The following CPEB2 variants were observed in gnomAD, a reference collection of about 807,000 sequenced individuals.
CPEB2 encodes cytoplasmic polyadenylation element-binding protein 2.
A neutral mutation model predicts 93.6 loss-of-function variants in CPEB2; 56 were observed. The ratio of observed to expected loss-of-function variants is 0.60; its 90% CI spans 0.48 to 0.75. CPEB2 has a LOEUF of 0.75. Among genes scored for constraint, CPEB2 ranks in the 30% least tolerant of loss-of-function variants. The pLI, the probability that CPEB2 is intolerant of heterozygous loss-of-function variation, is 0.00. For synonymous variants in CPEB2, 764 were observed against 586.3 expected (o/e 1.30, Z -4.38); for missense variants, 1,579 against 1,395.1 (o/e 1.13, Z -2.10).
chr4:15,062,317 C>T, intron 11 of CPEB2, 57 bp downstream of exon 11: 1 of 1,267,858 alleles, frequency 7.9e-7, no homozygotes, highest in Non-Finnish European at 1.1e-6. Context: ...GATCCAAAGC[C>T]TCATACCCTA....
rs1320537926 is a variant in CPEB2, at chr4:15,002,901, G to GGCC, written c.237_239dup (p.Ala80dup). The GGCC allele has an allele frequency of 6.6e-6, 10 of 1,507,406 alleles. No homozygotes were observed. The highest frequency in any genetic ancestry group is 2.4e-5 in the Admixed American group (1 of 42,478). The allele number at this position is 1,507,406 out of a possible 1,614,324, so 93.4% of individuals were successfully genotyped here. ...CCCTCGGCGGCGGCGCGGGCAGCCCGGCCGCCGCCGCTTCCTCTTCCTCCC... is the reference window on the plus strand; with the variant it reads ...CCCTCGGCGGCGGCGCGGGCAGCCCGGCCGCCGCCGCCGCTTCCTCTTCCTCCC... On this transcript the variant is annotated inframe_insertion, in exon 1 of 12. Transcript: ENST00000538197.
intron 1 of CPEB2, among the ~76,000 whole-genome samples, chr4:15,004,754 G>T (rs1334533339): frequency 3.3e-5 from 5 of 151,912 alleles, no homozygotes. Context: ...GAGGGCCGCC[G>T]CCCCGGACCC....
intron 6 of CPEB2, among the ~76,000 whole-genome samples, chr4:15,050,714 G>A (rs1728146989): frequency 6.6e-6 from 1 of 152,020 alleles, no homozygotes; most frequent in Non-Finnish European, 1.5e-5. Flanking sequence ...CTATTACCAT[G>A]ATATTTTGGC....
rs1310775199 is a variant in CPEB2 at position 15,068,102 on chromosome 4, G to T, written c.*1722G>T. ...ACAATGGTAAATGTTTTTTAAAAAT[G>T]CAGAACTAAGATTTTTGACTCTAAA... is the stretch of plus-strand genomic sequence containing the variant. On this transcript the variant is annotated 3_prime_UTR_variant, in exon 12 of 12. Transcript: ENST00000538197. 1 of 152,294 alleles carries T rather than the reference G, an allele frequency of 6.6e-6. No homozygotes were observed. The highest frequency in any genetic ancestry group is 1.5e-5 in the Non-Finnish European group (1 of 67,872). The allele number at this position is 152,294 out of a possible 1,614,324, so 9.4% of individuals were successfully genotyped here.
At chr4:15,045,175 T>C (rs1727538746) in intron 6 of CPEB2, among the ~76,000 whole-genome samples, 1 of 152,162 alleles carries the variant, frequency 6.6e-6, no homozygotes, top group Admixed American at 6.5e-5. Flanking sequence ...TCTATAACTA[T>C]CTCATTCTTT....
intron 6 of CPEB2, among the ~76,000 whole-genome samples, chr4:15,042,205 C>T (rs1320128008): frequency 2.6e-5 from 4 of 152,236 alleles, no homozygotes; most frequent in African/African-American, 4.8e-5. Flanking sequence ...TTGTGACTTA[C>T]ATTTAGTCTA....
At chr4:15,065,628 A>G (rs1171234615) in intron 11 of CPEB2, among the ~76,000 whole-genome samples, 2 of 152,094 alleles carry the variant, frequency 1.3e-5, no homozygotes, top group Non-Finnish European at 2.9e-5. Context: ...TCAGACCTTC[A>G]CAACGGGACT....
intron 4 of CPEB2, among the ~76,000 whole-genome samples, chr4:15,027,993 G>T (rs539916497): frequency 6.6e-6 from 1 of 152,272 alleles, no homozygotes; most frequent in Non-Finnish European, 1.5e-5. Flanking sequence ...CTGCACCATA[G>T]TGTCTCCCTT....
At chr4:15,021,293 T>G (rs1256004158) in intron 4 of CPEB2, among the ~76,000 whole-genome samples, 1 of 152,212 alleles carries the variant, frequency 6.6e-6, no homozygotes, top group Non-Finnish European at 1.5e-5. Flanking sequence ...TAATTTGCTT[T>G]TCAAAGGAAG....
chr4:15,043,966 G>A (rs1727429538), intron 6 of CPEB2, among the ~76,000 whole-genome samples: 1 of 152,158 alleles, frequency 6.6e-6, no homozygotes, highest in Non-Finnish European at 1.5e-5. Context: ...CTGCTTTGAA[G>A]TTGATCCAGG....
chr4:15,038,463 G>A (rs534597397), intron 5 of CPEB2, among the ~76,000 whole-genome samples: 3 of 152,156 alleles, frequency 2.0e-5, no homozygotes, highest in African/African-American at 7.2e-5. Context: ...ATTTATACTG[G>A]ATTAATACCA....
Position 15,003,709 on chromosome 4 carries a change from G to A in CPEB2, c.1036G>A (p.Asp346Asn). The change falls in exon 1 of 12, where the codon GAC becomes AAC. Residue 346 changes from aspartate (D) to asparagine (N), a missense_variant. Around this residue, in one of 2 missense-constraint regions of CPEB2, gnomAD observed 1,411 missense variants for 1,056.0 expected, o/e 1.34. Transcript: ENST00000538197. ...AGAFSSLQSP[D>N]LPHPGGGGGG... is the part of the protein sequence containing the mutation. ...CGCCTTCAGCAGCCTGCAGAGCCCG[G>A]ACCTTCCACACCCGGGCGGCGGCGG... The A allele has an allele frequency of 7.3e-7, 1 of 1,372,678 alleles. No homozygotes were observed. The highest frequency in any genetic ancestry group is 9.4e-7 in the Non-Finnish European group (1 of 1,063,606). The allele number at this position is 1,372,678 out of a possible 1,614,324, so 85.0% of individuals were successfully genotyped here.
At chr4:15,053,038 GTGGAGTCTCGCTCTGTCTTCCAGGC>G (rs1472963737) in intron 7 of CPEB2, among the ~76,000 whole-genome samples, 1 of 149,988 alleles carries the variant, frequency 6.7e-6, no homozygotes, top group East Asian at 2.0e-4. Flanking sequence ...TTTTTTTGAG[GTGGAGTCTCGCTCTGTCTTCCAGGC>G]TGGAGTGCAG....
At chr4:15,066,075 T>G in intron 11 of CPEB2, 78 bp from the exon 12 acceptor site, 1 of 1,250,946 alleles carries the variant, frequency 8.0e-7, no homozygotes, top group Non-Finnish European at 1.1e-6. Context: ...TTTTTTCTGC[T>G]GTAGAACATT....
chr4:15,032,543 A>G (rs1485445859), intron 4 of CPEB2, among the ~76,000 whole-genome samples: 2 of 147,150 alleles, frequency 1.4e-5, no homozygotes, highest in African/African-American at 4.9e-5. Flanking sequence ...CTATGCCACT[A>G]TACTCATCAG....
intron 4 of CPEB2, among the ~76,000 whole-genome samples, chr4:15,028,998 G>C (rs1725785727): frequency 6.6e-6 from 1 of 151,896 alleles, no homozygotes; most frequent in Admixed American, 6.6e-5. Context: ...GTAACCACTG[G>C]GGCTAGTTCC....
chr4:15,065,783 G>T (rs577898154), intron 11 of CPEB2, among the ~76,000 whole-genome samples: 1 of 152,080 alleles, frequency 6.6e-6, no homozygotes, highest in African/African-American at 2.4e-5. Flanking sequence ...ATCAGTGGCT[G>T]TTCGGGTTCT....
In CPEB2 at chr4:15,003,806, G is replaced by A. The variant is rs1226407728; in HGVS notation, c.1133G>A (p.Gly378Asp). 1 of 1,013,866 alleles carries A rather than the reference G, an allele frequency of 9.9e-7. No individual in the cohort carries two copies. Among genetic ancestry groups the A allele is most frequent in the Non-Finnish European group, 1.2e-6 (1 of 802,366 alleles). 62.8% of individuals were successfully genotyped at this position (1,013,866 alleles called of 1,614,324 possible). Reference protein sequence around the residue: ...GGSASPPPLPGFGTPWSVQTA... With the variant: ...GGSASPPPLPDFGTPWSVQTA... Reference sequence around the variant, plus strand: ...TCCGCGTCGCCGCCGCCGCTGCCCGGCTTCGGCACCCCCTGGTCGGTGCAG... The same window carrying A: ...TCCGCGTCGCCGCCGCCGCTGCCCGACTTCGGCACCCCCTGGTCGGTGCAG... Residue 378 changes from glycine to aspartate, a missense_variant, in exon 1 of 12, where the codon GGC becomes GAC. Transcript: ENST00000538197.
chr4:15,048,203 T>G (rs1727897165), intron 6 of CPEB2, among the ~76,000 whole-genome samples: 1 of 152,004 alleles, frequency 6.6e-6, no homozygotes, highest in South Asian at 2.1e-4. Context: ...CTTATGTTTT[T>G]GTCAGATTTT....
Sources: allele counts gnomAD v4.1 joint callset (sites outside exome capture counted in the v4.1 genomes callset), GRCh38; gene constraint gnomAD v4.1.1; regional missense constraint gnomAD v4.1.1; transcripts MANE v1.5; gene names NCBI Gene and HGNC (gene_info 2026-07-23, HGNC 2026-07-21).